The following STXBP5L variants were observed in gnomAD, a reference collection of about 807,000 sequenced individuals.
STXBP5L encodes the protein syntaxin-binding protein 5-like.
In STXBP5L, 65 loss-of-function variants were observed where a neutral mutation model predicts 144.5. That is an observed-to-expected ratio of 0.45 (90% CI 0.37 to 0.55). The LOEUF is 0.55. Among genes scored for constraint, STXBP5L ranks in the 20% least tolerant of loss-of-function variants. The probability of loss-of-function intolerance (pLI) is 0.00; values close to 1 mark genes in which losing one functional copy is unlikely to be tolerated. For missense variants in STXBP5L, 1,298 were observed against 1,405.5 expected, an observed-to-expected ratio of 0.92 and a Z score of 1.22; for synonymous variants, 505 against 469.6, an observed-to-expected ratio of 1.08 and a Z score of -0.97.
At chr3:121,046,575 G>T (rs1175067401) in intron 5 of STXBP5L, among the ~76,000 whole-genome samples, 1 of 151,956 alleles carries the variant, frequency 6.6e-6, no homozygotes, top group Non-Finnish European at 1.5e-5. Flanking sequence ...ATTTCTCCCT[G>T]GCTCAATCTT....
intron 2 of STXBP5L, among the ~76,000 whole-genome samples, chr3:120,918,364 T>C (rs1298301722): frequency 6.6e-6 from 1 of 152,180 alleles, no homozygotes. Context: ...TAGATGTTCA[T>C]CACCTCACCT....
intron 25 of STXBP5L, among the ~76,000 whole-genome samples, chr3:121,417,314 T>C (rs1278278075): frequency 6.6e-6 from 1 of 152,202 alleles, no homozygotes; most frequent in African/African-American, 2.4e-5. Context: ...GGATAAATGT[T>C]ATGTGAATTA....
intron 8 of STXBP5L, 61 bp downstream of exon 8, chr3:121,152,621 T>G: frequency 7.7e-7 from 1 of 1,290,806 alleles, no homozygotes; most frequent in South Asian, 1.3e-5. Flanking sequence ...GTTTACTACT[T>G]TTAAGCTTTG....
intron 20 of STXBP5L, among the ~76,000 whole-genome samples, chr3:121,360,489 T>C (rs1419890062): frequency 6.6e-6 from 1 of 152,094 alleles, no homozygotes; most frequent in Non-Finnish European, 1.5e-5. Context: ...TTCATTCCTG[T>C]CTTCCTCAAG....
intron 20 of STXBP5L, among the ~76,000 whole-genome samples, chr3:121,346,963 C>T (rs1290499468): frequency 1.3e-5 from 2 of 152,262 alleles, no homozygotes; most frequent in South Asian, 2.1e-4. Flanking sequence ...TTAATTAGAT[C>T]CCATTTGTCA....
intron 3 of STXBP5L, among the ~76,000 whole-genome samples, chr3:120,980,329 C>T (rs1941617652): frequency 6.6e-6 from 1 of 152,026 alleles, no homozygotes; most frequent in African/African-American, 2.4e-5. Context: ...TTGAAATCCC[C>T]CACTATTATT....
intron 19 of STXBP5L, among the ~76,000 whole-genome samples, chr3:121,284,073 G>A (rs910530272): frequency 2.0e-5 from 3 of 151,900 alleles, no homozygotes; most frequent in Non-Finnish European, 4.4e-5. Flanking sequence ...GAGCAGAAGC[G>A]GGCTCTTAGT....
intron 3 of STXBP5L, among the ~76,000 whole-genome samples, chr3:121,002,481 T>C (rs992522907): frequency 2.6e-5 from 4 of 152,210 alleles, no homozygotes; most frequent in African/African-American, 9.6e-5. Flanking sequence ...TATGATCTGC[T>C]AATCTTCAGT....
intron 2 of STXBP5L, among the ~76,000 whole-genome samples, chr3:120,921,969 A>T (rs1435112318): frequency 6.6e-6 from 1 of 151,918 alleles, no homozygotes; most frequent in Non-Finnish European, 1.5e-5. Context: ...TTTCATATAA[A>T]TTTTAGGATT....
At chr3:121,322,974 G>A (rs945967271) in intron 20 of STXBP5L, among the ~76,000 whole-genome samples, 10 of 152,142 alleles carry the variant, frequency 6.6e-5, no homozygotes, top group African/African-American at 2.4e-4. Flanking sequence ...TGATATGTTT[G>A]TTGGCTGCTT....
At chr3:121,231,978 C>G (rs2049323901) in intron 11 of STXBP5L, among the ~76,000 whole-genome samples, 4 of 152,170 alleles carry the variant, frequency 2.6e-5, no homozygotes, top group Admixed American at 2.6e-4. Context: ...CTGCAAGCTT[C>G]AGACATCTTT....
intron 11 of STXBP5L, among the ~76,000 whole-genome samples, chr3:121,229,114 C>A (rs541376873): frequency 6.6e-6 from 1 of 152,228 alleles, no homozygotes; most frequent in East Asian, 1.9e-4. Flanking sequence ...ACTGAGACAC[C>A]CTGCCTCACT....
chr3:121,074,490 G>A (rs375834956), intron 5 of STXBP5L, among the ~76,000 whole-genome samples: 2 of 152,106 alleles, frequency 1.3e-5, no homozygotes, highest in Admixed American at 6.5e-5. Context: ...GGTGGCTTCT[G>A]CTGGGATGGG....
chr3:121,301,048 A>G (rs1008526805), intron 19 of STXBP5L, among the ~76,000 whole-genome samples: 7 of 152,150 alleles, frequency 4.6e-5, no homozygotes, highest in African/African-American at 1.2e-4. Flanking sequence ...TTGATTCCAT[A>G]TGAACTTTAA....
intron 22 of STXBP5L, 37 bp downstream of exon 22, chr3:121,381,569 T>G (rs765775517): frequency 1.9e-6 from 3 of 1,572,154 alleles, no homozygotes; most frequent in South Asian, 2.4e-5. Flanking sequence ...TCACTGTTAC[T>G]TTTTCAAATT....
chr3:121,136,918 G>T (rs1559786956), intron 7 of STXBP5L, among the ~76,000 whole-genome samples: 1 of 152,136 alleles, frequency 6.6e-6, no homozygotes, highest in East Asian at 1.9e-4. Context: ...ATGAGGTCAT[G>T]GCCTTTTCAG....
At chr3:121,108,643 T>G (rs1323347611) in intron 5 of STXBP5L, among the ~76,000 whole-genome samples, 1 of 152,148 alleles carries the variant, frequency 6.6e-6, no homozygotes, top group African/African-American at 2.4e-5. Context: ...GTTTTTGCAT[T>G]GATGTTCATC....
At chr3:121,263,996 A>G (rs1162413791) in intron 18 of STXBP5L, among the ~76,000 whole-genome samples, 1 of 152,202 alleles carries the variant, frequency 6.6e-6, no homozygotes, top group Non-Finnish European at 1.5e-5. Context: ...AGAAACCACA[A>G]GACACATACT....
intron 5 of STXBP5L, among the ~76,000 whole-genome samples, chr3:121,107,930 T>C (rs1023205188): frequency 4.6e-5 from 7 of 152,182 alleles, no homozygotes; most frequent in African/African-American, 7.2e-5. Flanking sequence ...CTCCTTGACA[T>C]CCATTGTTAG....
Sources: allele counts gnomAD v4.1 joint callset (sites outside exome capture counted in the v4.1 genomes callset), GRCh38; gene constraint gnomAD v4.1.1; transcripts MANE v1.5; gene names NCBI Gene and HGNC (gene_info 2026-07-23, HGNC 2026-07-21).